BACE2: variants seen among roughly 807,000 people sequenced by gnomAD.
BACE2 encodes the protein 56 kDa aspartic-like protease.
Under a neutral mutation model 46.2 loss-of-function variants are expected in BACE2, and 17 were observed. The ratio of observed to expected loss-of-function variants is 0.37; its 90% confidence interval spans 0.25 to 0.55. The LOEUF is 0.55. Ranked by LOEUF, BACE2 falls within the 20% of genes least tolerant of loss-of-function variation. BACE2 has a pLI of 0.82. For synonymous variants in BACE2, 277 were observed against 295.9 expected (o/e 0.94, Z 0.66); for missense variants, 595 against 698.1 (o/e 0.85, Z 1.66).
intron 8 of BACE2, among the ~76,000 whole-genome samples, chr21:41,264,204 G>T (rs1163979644): frequency 1.3e-5 from 2 of 150,048 alleles, no homozygotes; most frequent in African/African-American, 4.9e-5. Context: ...ATTGTCTTTG[G>T]TTTGGGGGTC....
rs1337620660 is a variant in BACE2, at chr21:41,280,570, G to T, written c.*4946G>T. ...ATCTGCATTTCAGTAAGCTCCCCAG[G>T]TGAGGCTGCAGAGCAGAAACCACGG... is the stretch of plus-strand genomic sequence containing the variant. On this transcript the variant is annotated 3_prime_UTR_variant, in exon 9 of 9. Transcript: ENST00000330333. 1 of 152,366 alleles carries T rather than the reference G, an allele frequency of 6.6e-6. No individual in the cohort carries two copies. Among genetic ancestry groups the T allele is most frequent in the African/African-American group, 2.4e-5 (1 of 41,466 alleles). The allele number at this position is 152,366 out of a possible 1,614,324, so 9.4% of individuals were successfully genotyped here.
At chr21:41,225,398 A>T (rs142004121) in intron 1 of BACE2, 8 of 152,204 alleles carry the variant, frequency 5.3e-5, no homozygotes, top group Non-Finnish European at 1.2e-4. Flanking sequence ...GGCCCGTCGA[A>T]AGCAGAGGCA....
intron 1 of BACE2, chr21:41,183,606 A>G (rs916567758): frequency 1.2e-5 from 2 of 167,176 alleles, no homozygotes; most frequent in Non-Finnish European, 1.5e-5. Flanking sequence ...GCATTGCTCA[A>G]AAGGAGATTC....
chr21:41,191,689 G>A (rs886899679), intron 1 of BACE2, among the ~76,000 whole-genome samples: 4 of 152,182 alleles, frequency 2.6e-5, no homozygotes, highest in Non-Finnish European at 5.9e-5. Flanking sequence ...CCATGTTGCT[G>A]AGCCCATGTG....
At chr21:41,230,453 C>T (rs1986939067) in intron 2 of BACE2, among the ~76,000 whole-genome samples, 1 of 152,176 alleles carries the variant, frequency 6.6e-6, no homozygotes, top group African/African-American at 2.4e-5. Context: ...ATACTTTCAA[C>T]CATTGTATTT....
chr21:41,251,392 A>G (rs1408564741), intron 7 of BACE2, among the ~76,000 whole-genome samples: 1 of 152,222 alleles, frequency 6.6e-6, no homozygotes, highest in Non-Finnish European at 1.5e-5. Flanking sequence ...TCGCACTGGG[A>G]GGAGCCATGG....
chr21:41,209,027 G>A (rs868528400), intron 1 of BACE2, among the ~76,000 whole-genome samples: 2 of 152,292 alleles, frequency 1.3e-5, no homozygotes, highest in Middle Eastern at 6.8e-3. Flanking sequence ...AGGTGGTGCT[G>A]ACACTCAGGC....
chr21:41,243,435 G>A lies in BACE2; in HGVS notation c.807G>A (p.Lys269=), dbSNP rs756102271. Residue 269 remains lysine, a synonymous_variant, in exon 5 of 9, where the codon AAG becomes AAA. Coordinates refer to ENST00000330333, the MANE Select transcript of BACE2 (RefSeq NM_012105.5). ...YKGDIWYTPI[K]EEWYYQIEIL... ...GAGACATCTGGTATACCCCTATTAAGGAAGAGTGGTACTACCAGATAGAAA... is the reference window on the plus strand; with the variant it reads ...GAGACATCTGGTATACCCCTATTAAAGAAGAGTGGTACTACCAGATAGAAA... 11 of 1,612,636 alleles carry A rather than the reference G, an allele frequency of 6.8e-6. No individual in the cohort carries two copies. In the East Asian group the frequency reaches 2.2e-4, roughly 33 times the overall value.
chr21:41,179,903 C>A, intron 1 of BACE2: 1 of 375,394 alleles, frequency 2.7e-6, no homozygotes, highest in Admixed American at 3.8e-5. Flanking sequence ...ACAGGCGAGC[C>A]CTAAGATTGA....
chr21:41,216,786 C>G (rs1385357644), intron 1 of BACE2, among the ~76,000 whole-genome samples: 1 of 152,198 alleles, frequency 6.6e-6, no homozygotes, highest in Non-Finnish European at 1.5e-5. Flanking sequence ...GCGTTGCCAG[C>G]CTGACCGGCC....
At chr21:41,272,053 T>A (rs1431368188) in intron 8 of BACE2, among the ~76,000 whole-genome samples, 2 of 152,020 alleles carry the variant, frequency 1.3e-5, no homozygotes, top group Non-Finnish European at 2.9e-5. Flanking sequence ...TTTTTATTTC[T>A]TCTTCATTTT....
chr21:41,275,027 T>C (rs2088469826), intron 8 of BACE2, among the ~76,000 whole-genome samples: 2 of 152,224 alleles, frequency 1.3e-5, no homozygotes, highest in Non-Finnish European at 2.9e-5. Flanking sequence ...ACAGCTGTCA[T>C]GACCAGGTGC....
chr21:41,238,587 A>G (rs1004094165), intron 3 of BACE2, among the ~76,000 whole-genome samples: 8 of 152,170 alleles, frequency 5.3e-5, no homozygotes, highest in African/African-American at 1.7e-4. Flanking sequence ...GATTAAGAAA[A>G]TGTGGCACCT....
In BACE2 at chr21:41,241,914, C is replaced by G. The variant is rs572885135; in HGVS notation, c.714C>G (p.Pro238=). ...FSMQMCGAGL[P]VAGSGTNGGS... is the part of the protein sequence containing the mutation. ...TGCAGATGTGTGGAGCCGGCTTGCCCGTTGCTGGATCTGGGACCAACGGAG... is the reference window on the plus strand; with the variant it reads ...TGCAGATGTGTGGAGCCGGCTTGCCGGTTGCTGGATCTGGGACCAACGGAG... The change falls in exon 4 of 9, where the codon CCC becomes CCG. Residue 238 remains proline, a synonymous_variant. Transcript: ENST00000330333. 1 of 1,614,132 alleles carries G rather than the reference C, an allele frequency of 6.2e-7. No homozygotes were observed. Among genetic ancestry groups the G allele is most frequent in the South Asian group, 1.1e-5 (1 of 91,074 alleles).
intron 1 of BACE2, among the ~76,000 whole-genome samples, chr21:41,198,745 G>C (rs1171729613): frequency 6.6e-6 from 1 of 151,986 alleles, no homozygotes; most frequent in East Asian, 1.9e-4. Context: ...TTTAATTTTA[G>C]TATGAGTACT....
Position 41,168,343 on chromosome 21 carries a change from C to G in BACE2, c.80C>G (p.Ala27Gly). 1 of 1,374,058 alleles carries G rather than the reference C, an allele frequency of 7.3e-7. No homozygotes were observed. The highest frequency in any genetic ancestry group is 9.4e-7 in the Non-Finnish European group (1 of 1,060,596). The allele number at this position is 1,374,058 out of a possible 1,614,324, so 85.1% of individuals were successfully genotyped here. A position where few individuals can be genotyped will look rare whatever the true frequency, so the allele number is the denominator to read the frequency against. ...LLRAAPELAP[A>G]PFTLPLRVAA... ...CGCGCCGCCCCGGAGCTGGCCCCCG[C>G]GCCCTTCACGCTGCCCCTCCGGGTG... The change falls in exon 1 of 9, where the codon GCG becomes GGG. Residue 27 changes from alanine (A) to glycine (G), a missense_variant. By Grantham distance (60) the Ala-to-Gly change is moderately conservative. Coordinates refer to ENST00000330333, the MANE Select transcript of BACE2 (RefSeq NM_012105.5).
chr21:41,248,118 G>A (rs978713092), intron 6 of BACE2, among the ~76,000 whole-genome samples: 2 of 152,218 alleles, frequency 1.3e-5, no homozygotes, highest in African/African-American at 4.8e-5. Flanking sequence ...TGCAGCCCAT[G>A]CAGAGGCACC....
At chr21:41,209,087 C>G (rs1162863504) in intron 1 of BACE2, among the ~76,000 whole-genome samples, 3 of 152,338 alleles carry the variant, frequency 2.0e-5, no homozygotes, top group Middle Eastern at 3.4e-3. Flanking sequence ...GGTTGCAGCC[C>G]ATGTGCACCC....
chr21:41,244,415 G>A (rs1987396744), intron 5 of BACE2, among the ~76,000 whole-genome samples: 1 of 152,190 alleles, frequency 6.6e-6, no homozygotes, highest in African/African-American at 2.4e-5. Context: ...TGGGTAGGTA[G>A]TGGAAAATTA....
Sources: allele counts gnomAD v4.1 joint callset (sites outside exome capture counted in the v4.1 genomes callset), GRCh38; gene constraint gnomAD v4.1.1; transcripts MANE v1.5; gene names NCBI Gene and HGNC (gene_info 2026-07-23, HGNC 2026-07-21).